The following FUT8 variants were observed in gnomAD, a reference collection of about 807,000 sequenced individuals.
The protein encoded by FUT8 is fucosyltransferase 8.
Under a neutral mutation model 71.3 loss-of-function variants are expected in FUT8, and 29 were observed. That is an observed-to-expected ratio of 0.41 (90% confidence interval 0.30 to 0.55). FUT8 has a LOEUF of 0.55. Among genes scored for constraint, FUT8 ranks in the 20% least tolerant of loss-of-function variants. The pLI, the probability that FUT8 is intolerant of heterozygous loss-of-function variation, is 0.34. For missense variants in FUT8, 544 were observed against 702.1 expected (o/e 0.77, Z 2.55); for synonymous variants, 254 against 239.3 (o/e 1.06, Z -0.57).
chr14:65,582,936 T>C (rs1449118673), intron 3 of FUT8, among the ~76,000 whole-genome samples: 2 of 152,206 alleles, frequency 1.3e-5, no homozygotes, highest in Non-Finnish European at 1.5e-5. Context: ...TGTTATATCT[T>C]TGATCCCACT....
chr14:65,707,166 C>T (rs1894595815), intron 7 of FUT8, among the ~76,000 whole-genome samples: 1 of 152,130 alleles, frequency 6.6e-6, no homozygotes, highest in Admixed American at 6.6e-5. Context: ...ATCCTCGCCA[C>T]CACTTATTAT....
the FUT8 span, among the ~76,000 whole-genome samples, chr14:65,383,265 C>CTTTTTTTTTTT: frequency 1.3e-3 from 113 of 86,530 alleles, no homozygotes; most frequent in Non-Finnish European, 1.5e-3. Flanking sequence ...TTTTTCTTTT[C>CTTTTTTTTTTT]TTTTTTTTTT....
At chr14:65,605,939 C>G (rs1389788880) in intron 3 of FUT8, among the ~76,000 whole-genome samples, 1 of 151,758 alleles carries the variant, frequency 6.6e-6, no homozygotes, top group East Asian at 1.9e-4. Context: ...TATTACATTG[C>G]CTTGCCTTTT....
chr14:65,685,756 C>T (rs745914002), intron 7 of FUT8, among the ~76,000 whole-genome samples: 3 of 152,160 alleles, frequency 2.0e-5, no homozygotes, highest in Non-Finnish European at 4.4e-5. Flanking sequence ...AGGGTAACTT[C>T]ATGATGTTGC....
intron 1 of FUT8, among the ~76,000 whole-genome samples, chr14:65,452,666 G>A (rs372097595): frequency 6.6e-6 from 1 of 152,192 alleles, no homozygotes; most frequent in African/African-American, 2.4e-5. Context: ...ATCAATACAT[G>A]CCTGTAAGGA....
Position 65,629,523 on chromosome 14 carries a change from C to G in FUT8, c.514C>G (p.Gln172Glu), listed in dbSNP as rs1219815502. The G allele has an allele frequency of 6.2e-6, 10 of 1,613,730 alleles. No individual in the cohort carries two copies. The highest frequency in any genetic ancestry group is 8.5e-6 in the Non-Finnish European group (10 of 1,179,702). ...SIMTDLYYLS[Q>E]TDGAGDWREK... ...AATGACGGATCTATACTACCTCAGT[C>G]AGACAGATGGAGCAGGTGATTGGCG... Residue 172 changes from glutamine (Q) to glutamate (E), a missense_variant, in exon 6 of 11, where the codon CAG (glutamine) becomes GAG (glutamate). Gln to Glu is a conservative substitution (Grantham distance 29). Coordinates refer to ENST00000673929, the MANE Select transcript of FUT8 (RefSeq NM_001371533.1).
chr14:65,475,691 G>T, intron 2 of FUT8, among the ~76,000 whole-genome samples: 1 of 152,108 alleles, frequency 6.6e-6, no homozygotes, highest in East Asian at 1.9e-4. Flanking sequence ...CAGTGAGGCT[G>T]CAGTGAGGCT....
At chr14:65,626,546 C>T (rs1889906899) in intron 5 of FUT8, among the ~76,000 whole-genome samples, 1 of 152,146 alleles carries the variant, frequency 6.6e-6, no homozygotes, top group South Asian at 2.1e-4. Flanking sequence ...GGTTTGATTT[C>T]CTACTCTGAC....
At chr14:65,715,975 A>C (rs1468372418) in intron 7 of FUT8, among the ~76,000 whole-genome samples, 3 of 41,342 alleles carry the variant, frequency 7.3e-5, no homozygotes, top group East Asian at 4.5e-4. Context: ...ACCCTCTCTC[A>C]AAAAAAAAAA....
At chr14:65,511,285 G>A (rs572318596) in intron 2 of FUT8, among the ~76,000 whole-genome samples, 1 of 151,766 alleles carries the variant, frequency 6.6e-6, no homozygotes, top group South Asian at 2.1e-4. Flanking sequence ...GACACTATGT[G>A]GGTTTTTTTT....
At chr14:65,646,661 C>T (rs556373387) in intron 6 of FUT8, 1 of 152,116 alleles carries the variant, frequency 6.6e-6, no homozygotes, top group East Asian at 1.9e-4. Flanking sequence ...AGCAGCCTTT[C>T]CAATGACTTT....
chr14:65,509,003 C>T (rs1023856619), intron 2 of FUT8, among the ~76,000 whole-genome samples: 6 of 152,034 alleles, frequency 3.9e-5, no homozygotes, highest in Admixed American at 1.3e-4. Flanking sequence ...TTGCCCAGAC[C>T]GATACCCTGG....
chr14:65,487,499 G>T (rs896500502), intron 2 of FUT8, among the ~76,000 whole-genome samples: 2 of 147,884 alleles, frequency 1.4e-5, no homozygotes, highest in African/African-American at 5.1e-5. Flanking sequence ...GGAGGCAGAG[G>T]TTGCAGTGAG....
rs111609651 is a variant in FUT8 at position 65,426,951 on chromosome 14, C to T, written c.-326+13737C>T. Among the ~76,000 whole-genome samples the T allele has an allele frequency of 7.4e-3, 1,120 of 152,096 alleles. 13 individuals are homozygous for T. The highest frequency in any genetic ancestry group is 0.025 in the African/African-American group (1,017 of 41,486). ...TTGGCTCACTGTAAGCTCTGCCTCC[C>T]GGGTTCAGGCCATTCTCTTGCCTCA... On this transcript the variant is annotated intron_variant, in intron 1 of 10. Transcript: ENST00000673929.
intron 2 of FUT8, among the ~76,000 whole-genome samples, chr14:65,516,914 C>G (rs892290058): frequency 3.3e-5 from 5 of 151,070 alleles, no homozygotes; most frequent in Admixed American, 2.0e-4. Flanking sequence ...TCTACTTTCT[C>G]TCTCTCTGAT....
intron 6 of FUT8, among the ~76,000 whole-genome samples, chr14:65,634,291 T>G (rs1293060673): frequency 6.6e-6 from 1 of 152,096 alleles, no homozygotes; most frequent in Admixed American, 6.5e-5. Flanking sequence ...CTGAAACATG[T>G]GCTGTGTCCA....
the FUT8 span, among the ~76,000 whole-genome samples, chr14:65,362,698 C>T: frequency 3.4e-4 from 51 of 151,826 alleles, no homozygotes; most frequent in Non-Finnish European, 6.8e-4. Flanking sequence ...CGTGGTGGCT[C>T]ACACCTGTAA....
chr14:65,724,900 T>C (rs1203980759), intron 9 of FUT8, among the ~76,000 whole-genome samples: 2 of 152,170 alleles, frequency 1.3e-5, no homozygotes, highest in Non-Finnish European at 2.9e-5. Context: ...TGACCTCATC[T>C]AAGCCTAATT....
At chr14:65,595,802 G>T (rs1315591690) in intron 3 of FUT8, among the ~76,000 whole-genome samples, 2 of 151,674 alleles carry the variant, frequency 1.3e-5, no homozygotes, top group Admixed American at 6.6e-5. Flanking sequence ...GTAGAGACGG[G>T]GTTTCACCGT....
Sources: allele counts gnomAD v4.1 joint callset (sites outside exome capture counted in the v4.1 genomes callset), GRCh38; gene constraint gnomAD v4.1.1; transcripts MANE v1.5; gene names NCBI Gene and HGNC (gene_info 2026-07-23, HGNC 2026-07-21).